Variants in FRAS1 observed in about 807,000 individuals in gnomAD.
FRAS1 encodes the protein Fraser extracellular matrix complex subunit 1.
Under a neutral mutation model 435.2 loss-of-function variants are expected in FRAS1, and 290 were observed. The ratio of observed to expected loss-of-function variants is 0.67; its 90% confidence interval spans 0.61 to 0.73. The LOEUF is 0.73. Ranked by LOEUF, FRAS1 falls within the 30% of genes least tolerant of loss-of-function variation. FRAS1 has a pLI of 0.00. For missense variants in FRAS1, 4,860 were observed against 5,001.5 expected (o/e 0.97, Z 0.85); for synonymous variants, 1,800 against 1,851.0 (o/e 0.97, Z 0.71).
intron 59 of FRAS1, among the ~76,000 whole-genome samples, chr4:78,491,039 A>G (rs774401885): frequency 5.9e-5 from 9 of 152,238 alleles, no homozygotes; most frequent in Non-Finnish European, 1.0e-4. Context: ...CTCTATGCAA[A>G]TAAACTAGAA....
intron 2 of FRAS1, among the ~76,000 whole-genome samples, chr4:78,160,218 GA>G (rs1218129232): frequency 6.6e-6 from 1 of 152,212 alleles, no homozygotes; most frequent in Non-Finnish European, 1.5e-5. Context: ...CATGGAACAT[GA>G]AAAAGAAATA....
intron 33 of FRAS1, among the ~76,000 whole-genome samples, chr4:78,420,057 G>A (rs1344971018): frequency 6.6e-6 from 1 of 152,050 alleles, no homozygotes; most frequent in East Asian, 1.9e-4. Context: ...AGATCCAAAT[G>A]GCATCAAGGT....
chr4:78,469,841 T>A, intron 50 of FRAS1, 137 bp from the exon 51 acceptor site: 1 of 691,998 alleles, frequency 1.4e-6, no homozygotes, highest in Non-Finnish European at 2.6e-6. Flanking sequence ...TGATAAGGGA[T>A]GGGAACGGGC....
chr4:78,489,968 C>CAAAAAA (rs61568957), intron 59 of FRAS1, among the ~76,000 whole-genome samples: 12,435 of 91,112 alleles, frequency 0.14, 1,530 homozygotes, highest in Middle Eastern at 0.21. Flanking sequence ...TAGTGGAAAA[C>CAAAAAA]AAAAAAAAAA....
chr4:78,534,971 CAT>C (rs1286635972), intron 71 of FRAS1, among the ~76,000 whole-genome samples: 3 of 152,208 alleles, frequency 2.0e-5, no homozygotes, highest in African/African-American at 2.4e-5. Flanking sequence ...CGATGCCAAA[CAT>C]GTGTGTTCTC....
intron 2 of FRAS1, among the ~76,000 whole-genome samples, chr4:78,097,304 A>AT (rs1418012221): frequency 6.6e-6 from 1 of 151,850 alleles, no homozygotes; most frequent in African/African-American, 2.4e-5. Context: ...ACTTTCTCAC[A>AT]TTTTTTCCTG....
At chr4:78,425,978 T>TCCC (rs1733985077) in intron 35 of FRAS1, among the ~76,000 whole-genome samples, 1 of 152,116 alleles carries the variant, frequency 6.6e-6, no homozygotes, top group African/African-American at 2.4e-5. Context: ...TAGTCTCAAC[T>TCCC]ACTCAGAAGG....
intron 2 of FRAS1, among the ~76,000 whole-genome samples, chr4:78,226,472 T>C (rs1440117415): frequency 6.6e-6 from 1 of 152,064 alleles, no homozygotes; most frequent in Non-Finnish European, 1.5e-5. Flanking sequence ...ATAGAATTCT[T>C]AGTGACTGTT....
Position 78,477,834 on chromosome 4 carries a change from A to G in FRAS1, c.7871A>G (p.Glu2624Gly). The G allele has an allele frequency of 6.2e-7, 1 of 1,613,220 alleles. No homozygotes were observed. Among genetic ancestry groups the G allele is most frequent in the Non-Finnish European group, 8.5e-7 (1 of 1,179,438 alleles). ...TGACAGGTCCAGTTTGATGAGCGAG[A>G]GGACACCAAGTCCTGCACCATTGTC... ...YAGQVQFDEREDTKSCTIVIN... is the reference protein window; with the variant it reads ...YAGQVQFDERGDTKSCTIVIN... Residue 2624 changes from glutamate to glycine, a missense_variant, in exon 55 of 74, where the codon GAG becomes GGG. Physicochemically the swap from Glu to Gly is moderately conservative, Grantham distance 98 (BLOSUM62 -2). Coordinates refer to ENST00000512123, the MANE Select transcript of FRAS1 (RefSeq NM_025074.7).
chr4:78,426,489 A>T (rs1461454637), intron 35 of FRAS1, among the ~76,000 whole-genome samples: 2 of 152,132 alleles, frequency 1.3e-5, no homozygotes, highest in Non-Finnish European at 2.9e-5. Flanking sequence ...GAGTTTTGTG[A>T]GAGAGAATTT....
In FRAS1 at chr4:78,425,948, G is replaced by A. The variant is rs544179294; in HGVS notation, c.4711+1528G>A. On this transcript the variant is annotated intron_variant, in intron 35 of 73. Transcript: ENST00000512123. The stretch of plus-strand genomic sequence containing the variant: ...GCCCAGGAGTTCAAGACCAGCCCAC[G>A]CACATAGTAATATTCCTTGTAGTCT... Among the ~76,000 whole-genome samples, 11 of 152,244 alleles carry A rather than the reference G, an allele frequency of 7.2e-5. No homozygotes were observed. In the South Asian group the frequency reaches 1.7e-3, roughly 23 times the overall value.
intron 2 of FRAS1, among the ~76,000 whole-genome samples, chr4:78,218,098 TCACA>T (rs1553931228): frequency 7.0e-4 from 28 of 39,736 alleles, no homozygotes; most frequent in East Asian, 1.4e-3. Flanking sequence ...TCACTCTCTC[TCACA>T]CACACACACA....
chr4:78,465,732 A>G (rs533285007), intron 49 of FRAS1, among the ~76,000 whole-genome samples: 2 of 152,298 alleles, frequency 1.3e-5, no homozygotes, highest in Middle Eastern at 3.4e-3. Flanking sequence ...TTTTGTTTTA[A>G]GTTGGTGGGA....
At position 78,387,490 on chromosome 4, in the gene FRAS1, A is replaced by G. The variant is rs1732262333; in HGVS notation, c.3764A>G (p.Glu1255Gly). The G allele has an allele frequency of 6.2e-7, 1 of 1,613,394 alleles. No homozygotes were observed. The highest frequency in any genetic ancestry group is 1.3e-5 in the African/African-American group (1 of 74,794). The change falls in exon 29 of 74, where the codon GAA (glutamate) becomes GGA (glycine). Residue 1255 changes from glutamate (E) to glycine (G), a missense_variant. Glu to Gly is a moderately conservative substitution (Grantham distance 98). Transcript: ENST00000512123. ...DDDNPQDVVI[E>G]IIDPPLHGQL... The stretch of plus-strand genomic sequence containing the variant: ...GACAACCCACAGGATGTGGTCATTG[A>G]AATAATCGATCCTCCACTTCATGGC...
At position 78,160,356 on chromosome 4, in the gene FRAS1, A is replaced by T. The variant is rs533744658; in HGVS notation, c.109-77154A>T. Among the ~76,000 whole-genome samples, 8 of 152,356 alleles carry T rather than the reference A, an allele frequency of 5.3e-5. No individual in the cohort carries two copies. The South Asian group carries it at 1.7e-3, about 32-fold the overall frequency. On this transcript the variant is annotated intron_variant, in intron 2 of 73. Transcript: ENST00000512123. ...ATTGGGCCCTCATAGTGTTTAAAAA[A>T]TTTTGAATCTATTGCCAACATATCA... is the stretch of plus-strand genomic sequence containing the variant.
At chr4:78,097,435 C>A (rs1009477886) in intron 2 of FRAS1, among the ~76,000 whole-genome samples, 1 of 152,170 alleles carries the variant, frequency 6.6e-6, no homozygotes, top group African/African-American at 2.4e-5. Flanking sequence ...TGTATTAGTC[C>A]ATTTTCATGC....
intron 69 of FRAS1, among the ~76,000 whole-genome samples, chr4:78,524,533 G>T (rs10028402): frequency 0.65 from 98,126 of 152,014 alleles, 31,797 homozygotes; most frequent in East Asian, 0.72. Context: ...ATTAAAGACA[G>T]GTGCCTAAGA....
At chr4:78,098,329 G>T (rs1442188379) in intron 2 of FRAS1, among the ~76,000 whole-genome samples, 2 of 147,676 alleles carry the variant, frequency 1.4e-5, no homozygotes, top group African/African-American at 5.0e-5. Flanking sequence ...AGGCTGGAGT[G>T]CAGTAGCATG....
At chr4:78,284,683 C>T (rs902324783) in intron 13 of FRAS1, 135 bp downstream of exon 13, 13 of 752,808 alleles carry the variant, frequency 1.7e-5, no homozygotes, top group African/African-American at 9.0e-5. Flanking sequence ...AGATGCACAA[C>T]GTCTAAAAAC....
Sources: gnomAD v4.1 joint callset for allele counts (sites outside exome capture counted in the v4.1 genomes callset) on GRCh38, gnomAD v4.1.1 for gene constraint, MANE v1.5 for transcripts, NCBI Gene and HGNC (gene_info 2026-07-23, HGNC 2026-07-21) for gene names.